Variants in DCAKD observed in about 807,000 individuals in gnomAD.
DCAKD encodes the protein dephospho-CoA kinase domain-containing protein.
Under a neutral mutation model 18.7 loss-of-function variants are expected in DCAKD, and 15 were observed. The observed-to-expected ratio is 0.80, with a 90% CI of 0.54 to 1.24. DCAKD has a LOEUF of 1.24. Among genes scored for constraint, DCAKD ranks in the 50% most tolerant of loss-of-function variants. The pLI, the probability that DCAKD is intolerant of heterozygous loss-of-function variation, is 0.00. For synonymous variants in DCAKD, 130 were observed against 133.0 expected, an observed-to-expected ratio of 0.98 and a Z score of 0.16; for missense variants, 301 against 322.0, an observed-to-expected ratio of 0.93 and a Z score of 0.50.
chr17:45,025,498 G>C (rs1317814330), intron 4 of DCAKD, among the ~76,000 whole-genome samples: 1 of 152,094 alleles, frequency 6.6e-6, no homozygotes, highest in African/African-American at 2.4e-5. Flanking sequence ...CCACCCTGAG[G>C]TCACCATCTG....
intron 3 of DCAKD, among the ~76,000 whole-genome samples, chr17:45,033,618 C>A (rs757515522): frequency 1.3e-5 from 2 of 152,186 alleles, no homozygotes; most frequent in Non-Finnish European, 2.9e-5. Flanking sequence ...GTGCACACCA[C>A]CATGCCCAGC....
intron 3 of DCAKD, chr17:45,033,861 T>C: frequency 3.2e-6 from 4 of 1,261,766 alleles, no homozygotes; most frequent in Non-Finnish European, 4.1e-6. Context: ...AGGGTTGGGA[T>C]TTGAACTCAG....
chr17:45,060,372 T>A (rs901788585), intron 1 of DCAKD, among the ~76,000 whole-genome samples: 3 of 151,512 alleles, frequency 2.0e-5, no homozygotes, highest in South Asian at 2.1e-4. Context: ...AAAAAATATA[T>A]AAATTATCCG....
chr17:45,025,439 A>G (rs1031461482), intron 4 of DCAKD, among the ~76,000 whole-genome samples: 2 of 152,240 alleles, frequency 1.3e-5, no homozygotes, highest in African/African-American at 4.8e-5. Context: ...AGGTCGGACA[A>G]TATCAAGTCT....
upstream of DCAKD, among the ~76,000 whole-genome samples, chr17:45,055,965 C>T (rs983173817): frequency 5.3e-5 from 8 of 152,232 alleles, no homozygotes; most frequent in African/African-American, 1.9e-4. Flanking sequence ...ACTAGCCTGG[C>T]CAACATGGTG....
At chr17:45,052,174 C>A (rs1038761194), upstream of DCAKD, among the ~76,000 whole-genome samples, 5 of 152,046 alleles carry the variant, frequency 3.3e-5, no homozygotes, top group African/African-American at 1.2e-4. Context: ...CCGCAACCCC[C>A]GACCCGGAGC....
At position 45,041,316 on chromosome 17, in the gene DCAKD, CT is replaced by C. The variant is rs1156656073; in HGVS notation, c.-114-6318del. Among the ~76,000 whole-genome samples the C allele has an allele frequency of 6.0e-3, 864 of 145,144 alleles. 2 individuals carry two copies. Among genetic ancestry groups the C allele is most frequent in the Non-Finnish European group, 9.2e-3 (605 of 65,724 alleles). ...CCTTCTGTCCCTGAACATGCGGGCTCTTTTTTTTTTTTTGAGACGGAGTCTG... is the reference window on the plus strand; with the variant it reads ...CCTTCTGTCCCTGAACATGCGGGCTCTTTTTTTTTTTTGAGACGGAGTCTG... On this transcript the variant is annotated intron_variant, in intron 1 of 4. Transcript: ENST00000651974.
Position 45,024,218 on chromosome 17 carries a change from T to C in DCAKD, c.*215A>G, listed in dbSNP as rs9899209. 1 allele frequency: 579,907 copies of C among 580,818 alleles called. 289,506 individuals carry two copies. The highest frequency in any genetic ancestry group is 1 in the African/African-American group (54,344 of 54,344). The allele number at this position is 580,818 out of a possible 1,614,324, so 36.0% of individuals were successfully genotyped here. ...GGAAGGACAGCAGGCTATTTCTTGATCTCAAATAGGATACACTCCAAAGAC... is the reference window on the plus strand; with the variant it reads ...GGAAGGACAGCAGGCTATTTCTTGACCTCAAATAGGATACACTCCAAAGAC... On this transcript the variant is annotated 3_prime_UTR_variant, in exon 5 of 5. Transcript: ENST00000651974.
upstream of DCAKD, among the ~76,000 whole-genome samples, chr17:45,053,184 A>AC (rs1387469557): frequency 5.3e-5 from 8 of 149,574 alleles, no homozygotes; most frequent in Non-Finnish European, 7.4e-5. Context: ...AAAAAAAAAA[A>AC]AAAAAAAAAA....
upstream of DCAKD, among the ~76,000 whole-genome samples, chr17:45,053,407 G>A (rs1412601903): frequency 6.9e-6 from 1 of 145,520 alleles, no homozygotes; most frequent in Admixed American, 6.9e-5. Flanking sequence ...AGAGGTGTGC[G>A]CCACCACATC....
chr17:45,050,986 G>C (rs1157343745), intron 1 of DCAKD, among the ~76,000 whole-genome samples: 1 of 152,242 alleles, frequency 6.6e-6, no homozygotes, highest in Admixed American at 6.5e-5. Flanking sequence ...TGGCCTCCCA[G>C]GGGAGAGGGA....
At chr17:45,044,269 C>G (rs1332477570) in intron 1 of DCAKD, among the ~76,000 whole-genome samples, 1 of 152,092 alleles carries the variant, frequency 6.6e-6, no homozygotes, top group Admixed American at 6.5e-5. Flanking sequence ...CAGTCCCAGA[C>G]AAGGCTCTTC....
intron 4 of DCAKD, among the ~76,000 whole-genome samples, chr17:45,025,537 G>A (rs2053035583): frequency 6.6e-6 from 1 of 152,050 alleles, no homozygotes; most frequent in Non-Finnish European, 1.5e-5. Context: ...TCCCTCTCTT[G>A]CCTTGGGCTA....
chr17:45,045,106 C>T (rs189554166), intron 1 of DCAKD, among the ~76,000 whole-genome samples: 1 of 151,720 alleles, frequency 6.6e-6, no homozygotes, highest in Non-Finnish European at 1.5e-5. Flanking sequence ...ATCTAGATAT[C>T]TATAGGCACC....
chr17:45,061,083 C>T (rs1200718502), exon 1 of DCAKD: 2 of 1,294,370 alleles, frequency 1.5e-6, no homozygotes, highest in Non-Finnish European at 2.0e-6. Context: ...ACCTTGCGCC[C>T]CTTCTTTCCT....
At chr17:45,026,021 A>C (rs554019682) in intron 4 of DCAKD, among the ~76,000 whole-genome samples, 3 of 151,424 alleles carry the variant, frequency 2.0e-5, no homozygotes, top group East Asian at 3.9e-4. Flanking sequence ...TGGGATCAAG[A>C]GGTCTTCCTG....
chr17:45,029,957 C>T, intron 4 of DCAKD, 135 bp downstream of exon 4: 1 of 793,540 alleles, frequency 1.3e-6, no homozygotes, highest in Admixed American at 1.8e-5. Flanking sequence ...TTTCTACAGA[C>T]CCTGAGCACT....
At chr17:45,038,026 C>T (rs1239714036) in intron 1 of DCAKD, among the ~76,000 whole-genome samples, 1 of 151,114 alleles carries the variant, frequency 6.6e-6, no homozygotes, top group Non-Finnish European at 1.5e-5. Context: ...ACCTCGGCCT[C>T]CCAAAGTGCT....
In DCAKD at chr17:45,035,007, G is replaced by A; in HGVS notation, c.-114-8C>T. ...GAGGAGTGCCAGAAGGACCTGCTTG[G>A]GAGAGGCCAGCGGGACTGATCAGTT... On this transcript the variant is annotated splice_region_variant and splice_polypyrimidine_tract_variant and intron_variant, in intron 1 of 4. Transcript: ENST00000651974. The A allele has an allele frequency of 1.0e-6, 1 of 979,012 alleles. No homozygotes were observed. The highest frequency in any genetic ancestry group is 1.6e-6 in the Non-Finnish European group (1 of 638,326). 60.6% of individuals were successfully genotyped at this position (979,012 alleles called of 1,614,324 possible).
Sources: gnomAD v4.1 joint callset for allele counts (sites outside exome capture counted in the v4.1 genomes callset) on GRCh38, gnomAD v4.1.1 for gene constraint, MANE v1.5 for transcripts, NCBI Gene and HGNC (gene_info 2026-07-23, HGNC 2026-07-21) for gene names.